PKD2: variants seen among roughly 807,000 people sequenced by gnomAD.
PKD2 encodes polycystin 2, transient receptor potential cation channel.
In PKD2, 48 loss-of-function variants were observed where a neutral mutation model predicts 105.9. The observed-to-expected ratio is 0.45, with a 90% CI of 0.36 to 0.58. The LOEUF (loss-of-function observed/expected upper bound fraction) is 0.58. Among genes scored for constraint, PKD2 ranks in the 20% least tolerant of loss-of-function variants. PKD2 has a pLI of 0.00. For missense variants in PKD2, 1,078 were observed against 1,255.3 expected (o/e 0.86, Z 2.13); for synonymous variants, 464 against 481.1 (o/e 0.96, Z 0.46).
intron 1 of PKD2, among the ~76,000 whole-genome samples, chr4:88,015,859 A>C (rs764114932): frequency 6.6e-6 from 1 of 152,232 alleles, no homozygotes; most frequent in Non-Finnish European, 1.5e-5. Context: ...CCTATTAATA[A>C]GTAACATTGA....
intron 5 of PKD2, among the ~76,000 whole-genome samples, chr4:88,043,801 C>T (rs977009641): frequency 1.3e-5 from 2 of 152,148 alleles, no homozygotes; most frequent in African/African-American, 2.4e-5. Flanking sequence ...CCAAGTCCCC[C>T]GGCCATCAAA....
chr4:88,062,888 A>AGT (rs1267714382), intron 10 of PKD2, among the ~76,000 whole-genome samples: 1 of 152,220 alleles, frequency 6.6e-6, no homozygotes, highest in East Asian at 1.9e-4. Context: ...GCAAATCTCC[A>AGT]GTGTGTATGC....
intron 2 of PKD2, among the ~76,000 whole-genome samples, chr4:88,032,400 A>T (rs571575665): frequency 6.6e-6 from 1 of 152,328 alleles, no homozygotes; most frequent in South Asian, 2.1e-4. Context: ...ACGATGGCTC[A>T]CACCTGTAAT....
At chr4:88,012,572 TA>T (rs1244549435) in intron 1 of PKD2, among the ~76,000 whole-genome samples, 3 of 152,222 alleles carry the variant, frequency 2.0e-5, no homozygotes, top group African/African-American at 7.2e-5. Context: ...ATACATAACA[TA>T]AAATTGGCCA....
At position 88,022,248 on chromosome 4, in the gene PKD2, C is replaced by G. The variant is rs376111078; in HGVS notation, c.709+2677C>G. Among the ~76,000 whole-genome samples the G allele has an allele frequency of 2.0e-5, 3 of 152,164 alleles. No homozygotes were observed. The South Asian group carries it at 6.2e-4, about 31-fold the overall frequency. On this transcript the variant is annotated intron_variant, in intron 2 of 14. Transcript: ENST00000237596. ...CATTTTTCCATTCTGTTGAAATTAT[C>G]TTGGAACTGGATTCATTCATCTCAC...
In PKD2 at chr4:88,072,572, G is replaced by A. The variant is rs370686880; in HGVS notation, c.2523-2240G>A. 6.4e-4 allele frequency among the ~76,000 whole-genome samples: 97 copies of A among 152,304 alleles called. No individual in the cohort carries two copies. In the South Asian group the frequency reaches 9.5e-3, roughly 15 times the overall value. ...AGGGACAGTGGCCCACCTCTCTGTG[G>A]CATCCTGCTTTATGAACAAGTCACT... On this transcript the variant is annotated intron_variant, in intron 13 of 14. Coordinates refer to ENST00000237596, the MANE Select transcript of PKD2 (RefSeq NM_000297.4).
At chr4:88,025,182 G>C (rs2110094618) in intron 2 of PKD2, among the ~76,000 whole-genome samples, 1 of 152,112 alleles carries the variant, frequency 6.6e-6, no homozygotes, top group East Asian at 1.9e-4. Flanking sequence ...CCATGGGCAG[G>C]CACAGTGGCT....
intron 13 of PKD2, among the ~76,000 whole-genome samples, chr4:88,070,577 TATA>T (rs1720978503): frequency 1.2e-5 from 1 of 81,142 alleles, no homozygotes; most frequent in Admixed American, 1.3e-4. Flanking sequence ...ATTTATTTTA[TATA>T]TATATATATA....
At chr4:88,044,060 T>C (rs1307358633) in intron 5 of PKD2, among the ~76,000 whole-genome samples, 1 of 152,164 alleles carries the variant, frequency 6.6e-6, no homozygotes, top group African/African-American at 2.4e-5. Flanking sequence ...CTTCATTCAT[T>C]TATTCAGCAA....
intron 5 of PKD2, among the ~76,000 whole-genome samples, chr4:88,044,859 T>G (rs1727710039): frequency 6.6e-6 from 1 of 151,876 alleles, no homozygotes. Context: ...ACATTAGAAA[T>G]ACTCAAGCTG....
Position 88,047,002 on chromosome 4 carries a change from A to G in PKD2, c.1548+132A>G. The G allele has an allele frequency of 4.3e-6, 3 of 705,384 alleles. No homozygotes were observed. In the South Asian group the frequency reaches 4.7e-5, roughly 11 times the overall value. 43.7% of individuals were successfully genotyped at this position (705,384 alleles called of 1,614,324 possible). A position where few individuals can be genotyped will look rare whatever the true frequency, so the allele number is the denominator to read the frequency against. On this transcript the variant is annotated intron_variant, in intron 6 of 14. Coordinates refer to ENST00000237596, the MANE Select transcript of PKD2 (RefSeq NM_000297.4). ...CTAAAAGTCCCCCTCAATTATATCA[A>G]CTTCTGTTACTAATTATTTTCTCAT...
chr4:88,034,551 C>T (rs552521434), intron 2 of PKD2, among the ~76,000 whole-genome samples: 40 of 151,626 alleles, frequency 2.6e-4, no homozygotes, highest in African/African-American at 9.7e-4. Flanking sequence ...GCCTGTAATC[C>T]CAGCTACTTG....
At chr4:88,065,585 T>C in intron 11 of PKD2, 90 bp downstream of exon 11, 1 of 1,351,020 alleles carries the variant, frequency 7.4e-7, no homozygotes, top group South Asian at 1.2e-5. Flanking sequence ...CAAGGGCTCA[T>C]ACAGATACTT....
chr4:88,025,240 T>C (rs1420115692), intron 2 of PKD2, among the ~76,000 whole-genome samples: 1 of 151,816 alleles, frequency 6.6e-6, no homozygotes, highest in Non-Finnish European at 1.5e-5. Flanking sequence ...AGAGGATCAA[T>C]TGAGGCCAGG....
At position 88,065,439 on chromosome 4, in the gene PKD2, T is replaced by C; in HGVS notation, c.2184T>C (p.Ser728=). ...ATACCGTGGATGACATTTCAGAGAG[T>C]CTGCGGCAAGGAGGAGGCAAGTTAA... ...KKNTVDDISE[S]LRQGGGKLNF... Residue 728 remains serine, a synonymous_variant, in exon 11 of 15, where the codon AGT becomes AGC. Coordinates refer to ENST00000237596, the MANE Select transcript of PKD2 (RefSeq NM_000297.4). 1 of 1,613,062 alleles carries C rather than the reference T, an allele frequency of 6.2e-7. No individual in the cohort carries two copies. The highest frequency in any genetic ancestry group is 8.5e-7 in the Non-Finnish European group (1 of 1,179,234).
chr4:88,065,675 C>T (rs1720764836), intron 11 of PKD2, 87 bp from the exon 12 acceptor site: 4 of 1,216,362 alleles, frequency 3.3e-6, no homozygotes. Context: ...GTGATTTCTC[C>T]TTTCCTCCTG....
chr4:88,074,104 G>T (rs1560632411), intron 13 of PKD2, among the ~76,000 whole-genome samples: 3 of 152,062 alleles, frequency 2.0e-5, no homozygotes, highest in Admixed American at 6.6e-5. Context: ...GATGAACAAT[G>T]ATTATTTAAT....
intron 1 of PKD2, among the ~76,000 whole-genome samples, chr4:88,016,320 T>C (rs1726560081): frequency 6.6e-6 from 1 of 152,180 alleles, no homozygotes; most frequent in African/African-American, 2.4e-5. Context: ...GTCCGTGTTC[T>C]CCCTAACACC....
chr4:88,071,391 T>G (rs1051865590), intron 13 of PKD2, among the ~76,000 whole-genome samples: 1 of 152,102 alleles, frequency 6.6e-6, no homozygotes, highest in African/African-American at 2.4e-5. Flanking sequence ...TTATTATTTG[T>G]TTGTTTGTTT....
Sources: gnomAD v4.1 joint callset for allele counts (sites outside exome capture counted in the v4.1 genomes callset) on GRCh38, gnomAD v4.1.1 for gene constraint, MANE v1.5 for transcripts, NCBI Gene and HGNC (gene_info 2026-07-23, HGNC 2026-07-21) for gene names.